Variants in USP20 observed in about 807,000 individuals in gnomAD.
The protein encoded by USP20 is ubiquitin specific peptidase 20, also known as ubiquitin carboxyl-terminal hydrolase 20.
USP20 carries 80 observed loss-of-function variants against 124.2 expected under a neutral mutation model. The observed-to-expected ratio is 0.64, with a 90% confidence interval of 0.54 to 0.78. USP20 has a LOEUF of 0.78. Ranked by LOEUF, USP20 falls within the 30% of genes least tolerant of loss-of-function variation. USP20 has a pLI of 0.00. For missense variants in USP20, 1,043 were observed against 1,244.4 expected, an observed-to-expected ratio of 0.84 and a Z score of 2.44; for synonymous variants, 481 against 512.3, an observed-to-expected ratio of 0.94 and a Z score of 0.83.
rs909220026 is a variant in USP20 at position 129,868,300 on chromosome 9, A to G, written c.986A>G (p.Asp329Gly). 9 of 1,613,780 alleles carry G rather than the reference A, an allele frequency of 5.6e-6. No homozygotes were observed. In the Admixed American group the frequency reaches 1.2e-4, roughly 21 times the overall value. Residue 329 changes from aspartate (D) to glycine (G), a missense_variant, in exon 11 of 26, where the codon GAC becomes GGC. Coordinates refer to ENST00000372429, the MANE Select transcript of USP20 (RefSeq NM_001110303.4). ...ATCTCTGAGAAGGAGCGGATGAAGG[A>G]CCGCAAGTTCTCCTGGGGCCAGCAG... ...RAISEKERMKDRKFSWGQQRT... is the reference protein window; with the variant it reads ...RAISEKERMKGRKFSWGQQRT...
intron 1 of USP20, among the ~76,000 whole-genome samples, chr9:129,838,234 G>T (rs2031984050): frequency 6.6e-6 from 1 of 151,924 alleles, no homozygotes. Flanking sequence ...TAGAGACGGG[G>T]TTTCACCATG....
chr9:129,866,075 C>T (rs1422423877), intron 10 of USP20, among the ~76,000 whole-genome samples: 3 of 152,242 alleles, frequency 2.0e-5, no homozygotes, highest in African/African-American at 7.2e-5. Context: ...GCTGATGGCT[C>T]CTGCCCTCCA....
intron 23 of USP20, 24 bp downstream of exon 23, chr9:129,878,464 C>T (rs1318691521): frequency 6.4e-7 from 1 of 1,565,326 alleles, no homozygotes; most frequent in Admixed American, 1.8e-5. Flanking sequence ...GGACCTGGCA[C>T]TTACCTGCCC....
chr9:129,859,289 T>TATTTTATTTATTTTATTTTA (rs1325985308), intron 6 of USP20, among the ~76,000 whole-genome samples: 1 of 11,942 alleles, frequency 8.4e-5, no homozygotes, highest in East Asian at 7.1e-3. Flanking sequence ...ATTTTAATTT[T>TATTTTATTTATTTTATTTTA]TTGAGACCGA....
chr9:129,861,517 T>C (rs1564207918), intron 7 of USP20, 26 bp from the exon 8 acceptor site: 1 of 1,612,014 alleles, frequency 6.2e-7, no homozygotes, highest in Non-Finnish European at 8.5e-7. Context: ...GCTCACCTGC[T>C]CCTCCCCGTT....
At chr9:129,855,700 T>G (rs189613795) in intron 3 of USP20, among the ~76,000 whole-genome samples, 1 of 152,182 alleles carries the variant, frequency 6.6e-6, no homozygotes, top group African/African-American at 2.4e-5. Flanking sequence ...GAAAACGTCA[T>G]CTGCAGCAGG....
At chr9:129,836,516 T>TTGC (rs1369880631) in intron 1 of USP20, among the ~76,000 whole-genome samples, 1 of 152,138 alleles carries the variant, frequency 6.6e-6, no homozygotes, top group Non-Finnish European at 1.5e-5. Context: ...CAGTAGATGT[T>TTGC]TGCTGCTGCT....
Position 129,874,775 on chromosome 9 carries a change from C to A in USP20, c.1921+19C>A. 3.7e-6 allele frequency: 6 copies of A among 1,613,780 alleles called. No homozygotes were observed. Among genetic ancestry groups the A allele is most frequent in the Non-Finnish European group, 5.1e-6 (6 of 1,179,932 alleles). On this transcript the variant is annotated intron_variant, in intron 18 of 25. Transcript: ENST00000372429. Reference sequence around the variant, plus strand: ...GCAGGCAGTGAGTCATGTCCCCTCCCCTGCCGTCCCCATCCGCTAGGATCC... The same window carrying A: ...GCAGGCAGTGAGTCATGTCCCCTCCACTGCCGTCCCCATCCGCTAGGATCC...
intron 3 of USP20, among the ~76,000 whole-genome samples, chr9:129,855,785 C>T (rs985857247): frequency 2.0e-5 from 3 of 152,176 alleles, no homozygotes; most frequent in East Asian, 1.9e-4. Context: ...CCAGTAGACA[C>T]GGAGCAGGCT....
At chr9:129,838,043 T>A (rs946889455) in intron 1 of USP20, among the ~76,000 whole-genome samples, 33 of 64,492 alleles carry the variant, frequency 5.1e-4, no homozygotes, top group Non-Finnish European at 1.0e-3. Flanking sequence ...TTGACAACAA[T>A]TTTTTTTTTT....
Position 129,871,343 on chromosome 9 carries a change from C to A in USP20, c.1660+796C>A, listed in dbSNP as rs1035018913. ...TTCATCCACGTTGCAGCGTGTGTGT[C>A]GGAATGCCCTGCCTTTTGTATGCTG... On this transcript the variant is annotated intron_variant, in intron 15 of 25. Coordinates refer to ENST00000372429, the MANE Select transcript of USP20 (RefSeq NM_001110303.4). 2.6e-4 allele frequency among the ~76,000 whole-genome samples: 39 copies of A among 148,562 alleles called. 1 individual carries two copies. The highest frequency in any genetic ancestry group is 2.3e-3 in the Admixed American group (35 of 14,898).
At position 129,868,304 on chromosome 9, in the gene USP20, C is replaced by A. The variant is rs1356425336; in HGVS notation, c.990C>A (p.Arg330=). ...AISEKERMKD[R]KFSWGQQRTN... is the part of the protein sequence containing the mutation. ...CTGAGAAGGAGCGGATGAAGGACCG[C>A]AAGTTCTCCTGGGGCCAGCAGCGTA... Residue 330 remains arginine (R), a synonymous_variant, in exon 11 of 26, where the codon CGC becomes CGA. Coordinates refer to ENST00000372429, the MANE Select transcript of USP20 (RefSeq NM_001110303.4). 7.4e-6 allele frequency: 12 copies of A among 1,613,914 alleles called. No individual in the cohort carries two copies. Among genetic ancestry groups the A allele is most frequent in the East Asian group, 2.2e-5 (1 of 44,870 alleles).
chr9:129,876,381 G>A lies in USP20; in HGVS notation c.2409+143G>A, dbSNP rs528233695. On this transcript the variant is annotated intron_variant, in intron 22 of 25. Coordinates refer to ENST00000372429, the MANE Select transcript of USP20 (RefSeq NM_001110303.4). The stretch of plus-strand genomic sequence containing the variant: ...AGGCTGGGCATGGTGGCTCACACCT[G>A]TAATCCCAGCACTTTGGGAGGCTGA... 1.0e-4 allele frequency: 67 copies of A among 669,000 alleles called. 1 individual carries two copies. In the South Asian group the frequency reaches 1.2e-3, roughly 12 times the overall value. 41.4% of individuals were successfully genotyped at this position (669,000 alleles called of 1,614,324 possible).
Position 129,875,490 on chromosome 9 carries a change from C to T in USP20, c.2218+11C>T, listed in dbSNP as rs1472632243. On this transcript the variant is annotated intron_variant, in intron 20 of 25. Transcript: ENST00000372429. The stretch of plus-strand genomic sequence containing the variant: ...TCTGCTCCCACGGAGGTGAGGCGCC[C>T]CCTGTGGTGGGAGAGCAGGGTGGGC... 1.2e-6 allele frequency: 2 copies of T among 1,612,312 alleles called. No homozygotes were observed. Among genetic ancestry groups the T allele is most frequent in the Non-Finnish European group, 8.5e-7 (1 of 1,178,918 alleles).
At chr9:129,855,533 C>T (rs1382634238) in intron 3 of USP20, among the ~76,000 whole-genome samples, 1 of 152,128 alleles carries the variant, frequency 6.6e-6, no homozygotes, top group African/African-American at 2.4e-5. Flanking sequence ...GGCTTTCATC[C>T]TGAGTCCAAG....
intron 5 of USP20, 143 bp from the exon 6 acceptor site, chr9:129,858,324 G>C: frequency 7.8e-7 from 1 of 1,275,696 alleles, no homozygotes; most frequent in East Asian, 2.3e-5. Context: ...CCTGACTGGG[G>C]GTGGGTAAGC....
At chr9:129,867,209 A>AC (rs1245603860) in intron 10 of USP20, among the ~76,000 whole-genome samples, 1 of 152,112 alleles carries the variant, frequency 6.6e-6, no homozygotes, top group African/African-American at 2.4e-5. Flanking sequence ...GTCTGCTGCC[A>AC]CCACCACGTT....
chr9:129,869,196 C>A, intron 12 of USP20, 114 bp from the exon 13 acceptor site: 2 of 1,332,958 alleles, frequency 1.5e-6, no homozygotes, highest in South Asian at 1.3e-5. Flanking sequence ...ATTGCTTACC[C>A]AGTCATGTGA....
intron 1 of USP20, among the ~76,000 whole-genome samples, chr9:129,849,048 G>T (rs2032751635): frequency 6.6e-6 from 1 of 152,204 alleles, no homozygotes; most frequent in South Asian, 2.1e-4. Flanking sequence ...GAGGGTCGGG[G>T]GTTCTCAGGA....
Sources: allele counts gnomAD v4.1 joint callset (sites outside exome capture counted in the v4.1 genomes callset), GRCh38; gene constraint gnomAD v4.1.1; transcripts MANE v1.5; gene names NCBI Gene and HGNC (gene_info 2026-07-23, HGNC 2026-07-21).